RORA: variants seen among roughly 807,000 people sequenced by gnomAD.
The protein encoded by RORA is RAR related orphan receptor A.
Under a neutral mutation model 69.5 loss-of-function variants are expected in RORA, and 7 were observed. The ratio of observed to expected loss-of-function variants is 0.10; its 90% confidence interval spans 0.06 to 0.19. The LOEUF is 0.19. RORA is among the 10% of genes least tolerant of loss of function. The probability of loss-of-function intolerance (pLI) is 1.00; values close to 1 mark genes in which losing one functional copy is unlikely to be tolerated. For missense variants in RORA, 457 were observed against 663.0 expected (o/e 0.69, Z 3.41); for synonymous variants, 261 against 240.8 (o/e 1.08, Z -0.78).
chr15:60,763,576 A>G lies in RORA; in HGVS notation c.167-84890T>C, dbSNP rs901113207. Among the ~76,000 whole-genome samples the G allele has an allele frequency of 2.0e-5, 3 of 152,234 alleles. No individual in the cohort carries two copies. The South Asian group carries it at 6.2e-4, about 32-fold the overall frequency. On this transcript the variant is annotated intron_variant, in intron 1 of 10. Transcript: ENST00000335670. ...AGAACCCAGTCATTAAGGAGCCCCA[A>G]CTGTCACCAATCATACGGATCCCCA...
At chr15:60,822,386 C>T (rs2072904348) in intron 1 of RORA, among the ~76,000 whole-genome samples, 1 of 152,190 alleles carries the variant, frequency 6.6e-6, no homozygotes, top group East Asian at 1.9e-4. Flanking sequence ...CCATTCCCCA[C>T]CACTCTCCCA....
chr15:60,842,169 C>G (rs921829067), intron 1 of RORA, among the ~76,000 whole-genome samples: 1 of 152,078 alleles, frequency 6.6e-6, no homozygotes, highest in Non-Finnish European at 1.5e-5. Context: ...ACCCCAGGGC[C>G]GTCGTCCACT....
chr15:60,866,881 T>G (rs998215086), intron 1 of RORA, among the ~76,000 whole-genome samples: 2 of 152,092 alleles, frequency 1.3e-5, no homozygotes, highest in African/African-American at 4.8e-5. Context: ...CCTATCTAGT[T>G]TCGAGTCAGA....
intron 1 of RORA, among the ~76,000 whole-genome samples, chr15:60,837,883 G>A (rs1029152267): frequency 3.3e-5 from 5 of 152,212 alleles, no homozygotes; most frequent in Non-Finnish European, 7.3e-5. Flanking sequence ...TTTGGCATGT[G>A]AAGGTACAGC....
intron 2 of RORA, among the ~76,000 whole-genome samples, chr15:60,642,926 G>A (rs1309795368): frequency 1.3e-5 from 2 of 152,042 alleles, no homozygotes; most frequent in East Asian, 3.9e-4. Context: ...GGAGGTTGAG[G>A]TCAGTGGATT....
chr15:61,138,694 T>C (rs935393953), intron 1 of RORA, among the ~76,000 whole-genome samples: 2 of 151,950 alleles, frequency 1.3e-5, no homozygotes, highest in Non-Finnish European at 2.9e-5. Context: ...CTGCATTCTG[T>C]GGAACGTCTG....
intron 1 of RORA, among the ~76,000 whole-genome samples, chr15:61,083,567 TA>T: frequency 6.6e-6 from 1 of 151,996 alleles, no homozygotes; most frequent in African/African-American, 2.4e-5. Context: ...CAGACCCAAA[TA>T]ACCCCAGAAT....
intron 1 of RORA, among the ~76,000 whole-genome samples, chr15:60,953,982 C>T (rs1199412420): frequency 2.0e-5 from 3 of 151,832 alleles, no homozygotes; most frequent in African/African-American, 7.3e-5. Flanking sequence ...GCTATAAAGA[C>T]ACATGCACAC....
chr15:60,505,420 T>C (rs2065466769), intron 6 of RORA, 88 bp downstream of exon 6: 3 of 1,252,758 alleles, frequency 2.4e-6, no homozygotes, highest in Non-Finnish European at 3.5e-6. Context: ...CATTCTTTAG[T>C]CTGTGTGAAC....
chr15:60,874,471 T>C lies in RORA; in HGVS notation c.167-195785A>G, dbSNP rs928667902. ...AATACTTTTAGTTTTGTGCCAAGAC[T>C]GTCTTTTGTAAGACTCAACTCCACC... On this transcript the variant is annotated intron_variant, in intron 1 of 10. Transcript: ENST00000335670. 1.7e-4 allele frequency among the ~76,000 whole-genome samples: 26 copies of C among 152,312 alleles called. 1 individual carries two copies. The highest frequency in any genetic ancestry group is 5.5e-4 in the African/African-American group (23 of 41,560).
intron 1 of RORA, among the ~76,000 whole-genome samples, chr15:60,926,717 T>A (rs772347793): frequency 4.6e-5 from 7 of 152,204 alleles, no homozygotes; most frequent in Non-Finnish European, 1.0e-4. Flanking sequence ...TTACTACATA[T>A]CAGCTGAATA....
At chr15:60,911,575 A>G (rs1052501837) in intron 1 of RORA, among the ~76,000 whole-genome samples, 14 of 152,224 alleles carry the variant, frequency 9.2e-5, no homozygotes, top group African/African-American at 3.4e-4. Flanking sequence ...AGAATGAAAG[A>G]CAGGTTTAAA....
chr15:61,141,866 C>A (rs189629670), intron 1 of RORA, among the ~76,000 whole-genome samples: 62 of 151,432 alleles, frequency 4.1e-4, no homozygotes, highest in Middle Eastern at 3.4e-3. Context: ...TGGACTAACA[C>A]CTCATTAGCA....
At chr15:60,582,718 T>C (rs897930865) in intron 2 of RORA, among the ~76,000 whole-genome samples, 5 of 152,232 alleles carry the variant, frequency 3.3e-5, no homozygotes, top group Admixed American at 3.3e-4. Flanking sequence ...ATCAGAAATC[T>C]GTAAGAGCAC....
intron 1 of RORA, among the ~76,000 whole-genome samples, chr15:60,957,921 C>T: frequency 6.6e-6 from 1 of 151,600 alleles, no homozygotes; most frequent in Non-Finnish European, 1.5e-5. Context: ...ATAACTAATA[C>T]TCAAAATGAC....
chr15:60,794,362 C>A (rs1272652545), intron 1 of RORA, among the ~76,000 whole-genome samples: 1 of 152,192 alleles, frequency 6.6e-6, no homozygotes, highest in African/African-American at 2.4e-5. Context: ...TTTTAATTTG[C>A]TCCCATTACC....
intron 1 of RORA, among the ~76,000 whole-genome samples, chr15:60,810,761 C>T (rs1184154870): frequency 6.6e-6 from 1 of 150,640 alleles, no homozygotes; most frequent in African/African-American, 2.4e-5. Context: ...TTTCCTCTAA[C>T]TTGCTGCTTT....
intron 2 of RORA, among the ~76,000 whole-genome samples, chr15:60,650,893 G>C (rs927549106): frequency 1.3e-5 from 2 of 152,056 alleles, no homozygotes; most frequent in Non-Finnish European, 2.9e-5. Flanking sequence ...CCTTTTGATG[G>C]ATTAGGAAAT....
intron 1 of RORA, among the ~76,000 whole-genome samples, chr15:60,843,161 C>T (rs547206301): frequency 1.3e-5 from 2 of 152,324 alleles, no homozygotes; most frequent in South Asian, 2.1e-4. Context: ...GGAACAACCT[C>T]GCTGGGCCAC....
Sources: allele counts gnomAD v4.1 joint callset (sites outside exome capture counted in the v4.1 genomes callset), GRCh38; gene constraint gnomAD v4.1.1; transcripts MANE v1.5; gene names NCBI Gene and HGNC (gene_info 2026-07-23, HGNC 2026-07-21).